The following ZNF585B variants were observed in gnomAD, a reference collection of about 807,000 sequenced individuals.
The protein encoded by ZNF585B is zinc finger protein 41-like protein.
ZNF585B carries 7 observed loss-of-function variants against 14.0 expected under a neutral mutation model. The observed-to-expected ratio is 0.50, with a 90% CI of 0.28 to 0.94. The LOEUF is 0.94. ZNF585B is among the 40% of genes least tolerant of loss of function. ZNF585B has a pLI of 0.09. For missense variants in ZNF585B, 750 were observed against 924.4 expected, an observed-to-expected ratio of 0.81 and a Z score of 2.45; for synonymous variants, 290 against 317.3, an observed-to-expected ratio of 0.91 and a Z score of 0.91.
chr19:37,204,896 G>A (rs1161211334), intron 2 of ZNF585B, among the ~76,000 whole-genome samples: 5 of 151,892 alleles, frequency 3.3e-5, no homozygotes, highest in African/African-American at 1.2e-4. Context: ...ACAGGCGTAC[G>A]CCACCATGCC....
chr19:37,193,578 G>C (rs1261648317), intron 2 of ZNF585B, among the ~76,000 whole-genome samples: 3 of 151,852 alleles, frequency 2.0e-5, no homozygotes, highest in African/African-American at 7.3e-5. Flanking sequence ...AGGAGTTTGA[G>C]ACCAGCCCAG....
intron 2 of ZNF585B, among the ~76,000 whole-genome samples, chr19:37,196,652 C>T (rs761097210): frequency 2.0e-5 from 3 of 152,122 alleles, no homozygotes; most frequent in Non-Finnish European, 4.4e-5. Flanking sequence ...GCCTCCTTAA[C>T]CTGAAGACCA....
intron 2 of ZNF585B, among the ~76,000 whole-genome samples, chr19:37,193,670 C>T (rs753925320): frequency 6.8e-4 from 104 of 151,936 alleles, no homozygotes; most frequent in Non-Finnish European, 1.3e-3. Context: ...GTCCCAGTTA[C>T]TCGGGAGGCT....
At chr19:37,204,962 G>A (rs950048423) in intron 2 of ZNF585B, among the ~76,000 whole-genome samples, 1 of 151,540 alleles carries the variant, frequency 6.6e-6, no homozygotes, top group Non-Finnish European at 1.5e-5. Flanking sequence ...TGGCTAGGCT[G>A]GTCTCGAACT....
In ZNF585B at chr19:37,184,454, AAG is replaced by A. The variant is rs1238033643; in HGVS notation, c.*771_*772del. ...AAAGAAAGAAAGAAGGAAAGAAAGAAAGAAAGAAAGAAAGAAAGAAAGAAAGA... is the reference window on the plus strand; with the variant it reads ...AAAGAAAGAAAGAAGGAAAGAAAGAAAAAGAAAGAAAGAAAGAAAGAAAGA... On this transcript the variant is annotated 3_prime_UTR_variant, in exon 5 of 5. Coordinates refer to ENST00000532828, the MANE Select transcript of ZNF585B (RefSeq NM_152279.4). 1.1e-4 allele frequency: 11 copies of A among 102,864 alleles called. No homozygotes were observed. The Admixed American group carries it at 1.2e-3, about 12-fold the overall frequency. The allele number at this position is 102,864 out of a possible 1,614,324, so 6.4% of individuals were successfully genotyped here. A position where few individuals can be genotyped will look rare whatever the true frequency, so the allele number is the denominator to read the frequency against.
At chr19:37,189,905 C>A (rs1972380511) in intron 3 of ZNF585B, 119 bp downstream of exon 3, 11 of 1,558,596 alleles carry the variant, frequency 7.1e-6, no homozygotes, top group South Asian at 3.7e-5. Flanking sequence ...AAACAGAGAA[C>A]CCTGGAGGAA....
At chr19:37,202,556 T>C (rs1284142455) in intron 2 of ZNF585B, among the ~76,000 whole-genome samples, 1 of 152,166 alleles carries the variant, frequency 6.6e-6, no homozygotes, top group Non-Finnish European at 1.5e-5. Context: ...TTTAAGGGCT[T>C]CTGTATAATT....
At chr19:37,201,668 T>G (rs1279010380) in intron 2 of ZNF585B, among the ~76,000 whole-genome samples, 2 of 152,194 alleles carry the variant, frequency 1.3e-5, no homozygotes, top group Non-Finnish European at 2.9e-5. Flanking sequence ...AATCCTAATT[T>G]TATTAAAAGT....
chr19:37,189,660 C>T lies in ZNF585B; in HGVS notation c.292+1G>A. ...AGTCACATTCACCTCACTTCACTCACCTGGGCAGCTGTGACGTGGCCTCTC... is the reference window on the plus strand; with the variant it reads ...AGTCACATTCACCTCACTTCACTCATCTGGGCAGCTGTGACGTGGCCTCTC... On this transcript the variant is annotated splice_donor_variant, in intron 4 of 4. Coordinates refer to ENST00000532828, the MANE Select transcript of ZNF585B (RefSeq NM_152279.4). LOFTEE classifies it high-confidence loss of function. 6.2e-7 allele frequency: 1 copy of T among 1,612,774 alleles called. No individual in the cohort carries two copies. The highest frequency in any genetic ancestry group is 8.5e-7 in the Non-Finnish European group (1 of 1,180,008).
intron 3 of ZNF585B, 43 bp downstream of exon 3, chr19:37,189,981 C>G (rs762253247): frequency 1.7e-5 from 27 of 1,607,660 alleles, no homozygotes; most frequent in Middle Eastern, 1.7e-4. Flanking sequence ...TGAAAACACT[C>G]TCAGTGAGGC....
At chr19:37,196,554 T>G (rs1460375525) in intron 2 of ZNF585B, among the ~76,000 whole-genome samples, 1 of 152,016 alleles carries the variant, frequency 6.6e-6, no homozygotes, top group Non-Finnish European at 1.5e-5. Context: ...TTACACCGAG[T>G]GTGCCTCCCT....
chr19:37,191,849 T>C (rs1972405197), intron 2 of ZNF585B, among the ~76,000 whole-genome samples: 1 of 151,948 alleles, frequency 6.6e-6, no homozygotes, highest in Non-Finnish European at 1.5e-5. Context: ...GTGGCCAACA[T>C]AGTGAAACCC....
intron 2 of ZNF585B, among the ~76,000 whole-genome samples, chr19:37,197,751 C>G (rs961922750): frequency 6.6e-6 from 1 of 152,072 alleles, no homozygotes; most frequent in African/African-American, 2.4e-5. Flanking sequence ...GCATTTTTTT[C>G]ATGTGTCTGT....
At position 37,189,726 on chromosome 19, in the gene ZNF585B, A is replaced by T. The variant is rs1001683774; in HGVS notation, c.227T>A (p.Val76Asp). Residue 76 changes from valine to aspartate, a missense_variant, in exon 4 of 5, where the codon GTC (valine) becomes GAC (aspartate). Val to Asp is a radical substitution (Grantham distance 152). Transcript: ENST00000532828. ...TGGTTCCTTTCCTTGCTCCAACATG[A>T]CCACCTCTGGTTTAGGAACTTGATA... ...VGYQVPKPEV[V>D]MLEQGKEPWA... 1.2e-6 allele frequency: 2 copies of T among 1,613,846 alleles called. No homozygotes were observed. Among genetic ancestry groups the T allele is most frequent in the African/African-American group, 1.3e-5 (1 of 74,872 alleles).
chr19:37,186,954 A>T lies in ZNF585B; in HGVS notation c.583T>A (p.Phe195Ile). 1 of 1,614,174 alleles carries T rather than the reference A, an allele frequency of 6.2e-7. No individual in the cohort carries two copies. The highest frequency in any genetic ancestry group is 8.5e-7 in the Non-Finnish European group (1 of 1,180,028). ...PYKCNECGKS[F>I]FQVSSLFRHH... ...CTGAAAAGAGACGATACTTGAAAAAAGGATTTTCCACATTCATTGCACTTA... is the reference window on the plus strand; with the variant it reads ...CTGAAAAGAGACGATACTTGAAAAATGGATTTTCCACATTCATTGCACTTA... Residue 195 changes from phenylalanine to isoleucine, a missense_variant, in exon 5 of 5, where the codon TTT (phenylalanine) becomes ATT (isoleucine). Physicochemically the swap from Phe to Ile is conservative, Grantham distance 21. Transcript: ENST00000532828.
intron 4 of ZNF585B, among the ~76,000 whole-genome samples, chr19:37,189,129 G>A (rs1972372250): frequency 6.6e-6 from 1 of 151,808 alleles, no homozygotes; most frequent in Non-Finnish European, 1.5e-5. Context: ...GTAGAGATGG[G>A]GTTTTGCCAT....
intron 2 of ZNF585B, 130 bp from the exon 3 acceptor site, chr19:37,190,280 C>A: frequency 7.3e-7 from 1 of 1,367,770 alleles, no homozygotes; most frequent in Non-Finnish European, 9.7e-7. Flanking sequence ...CAGTCTTGCT[C>A]TGTTCCCCAG....
rs201863498 is a variant in ZNF585B at position 37,185,963 on chromosome 19, T to C, written c.1574A>G (p.Asn525Ser). ...CTGAGTAAAGGCTTTTCCACAAGTA[T>C]TGCATTCATAAGGCTTCTCCCCAGT... Reference protein sequence around the residue: ...IHTGEKPYECNTCGKAFTQKS... With the variant: ...IHTGEKPYECSTCGKAFTQKS... The change falls in exon 5 of 5, where the codon AAT becomes AGT. Residue 525 changes from asparagine (N) to serine (S), a missense_variant. Asn to Ser is a conservative substitution (Grantham distance 46, BLOSUM62 1). Around this residue, in one of 2 missense-constraint regions of ZNF585B, gnomAD observed 233 missense variants for 354.1 expected, o/e 0.66. Coordinates refer to ENST00000532828, the MANE Select transcript of ZNF585B (RefSeq NM_152279.4). The C allele has an allele frequency of 9.3e-6, 15 of 1,613,810 alleles. No homozygotes were observed. Among genetic ancestry groups the C allele is most frequent in the Non-Finnish European group, 1.3e-5 (15 of 1,180,024 alleles).
chr19:37,194,782 C>G (rs113712679), intron 2 of ZNF585B, among the ~76,000 whole-genome samples: 1 of 152,136 alleles, frequency 6.6e-6, no homozygotes, highest in Admixed American at 6.5e-5. Context: ...AATACACATT[C>G]TTTTCAAGAA....
Sources: gnomAD v4.1 joint callset for allele counts (sites outside exome capture counted in the v4.1 genomes callset) on GRCh38, gnomAD v4.1.1 for gene constraint, gnomAD v4.1.1 regional missense constraint, MANE v1.5 for transcripts, NCBI Gene and HGNC (gene_info 2026-07-23, HGNC 2026-07-21) for gene names.